The following CSMD1 variants were observed in gnomAD, a reference collection of about 807,000 sequenced individuals.
CSMD1 encodes CUB and Sushi multiple domains 1, also known as CUB and sushi domain-containing protein 1.
A neutral mutation model predicts 417.5 loss-of-function variants in CSMD1; 213 were observed. The observed-to-expected ratio is 0.51, with a 90% CI of 0.46 to 0.57. CSMD1 has a LOEUF of 0.57. CSMD1 is among the 20% of genes least tolerant of loss of function. The pLI is 0.00. For synonymous variants in CSMD1, 2,862 were observed against 1,736.8 expected (o/e 1.65, Z -16.11); for missense variants, 6,923 against 4,529.7 (o/e 1.53, Z -15.17).
intron 1 of CSMD1, among the ~76,000 whole-genome samples, chr8:4,823,905 A>G (rs1014079324): frequency 6.6e-6 from 1 of 152,002 alleles, no homozygotes; most frequent in Non-Finnish European, 1.5e-5. Flanking sequence ...TACTCTTAAC[A>G]AGAGAAGAAA....
At chr8:3,934,410 T>G (rs1252890527) in intron 5 of CSMD1, among the ~76,000 whole-genome samples, 2 of 152,312 alleles carry the variant, frequency 1.3e-5, no homozygotes, top group East Asian at 3.9e-4. Flanking sequence ...AAATCAGTAA[T>G]GAACACCGGT....
intron 1 of CSMD1, among the ~76,000 whole-genome samples, chr8:4,934,608 T>C (rs1807472709): frequency 6.6e-6 from 1 of 151,652 alleles, no homozygotes; most frequent in Non-Finnish European, 1.5e-5. Flanking sequence ...TGTCTACCTT[T>C]TTATTTTTCA....
At chr8:3,031,201 A>G (rs599269) in intron 50 of CSMD1, among the ~76,000 whole-genome samples, 6,409 of 151,682 alleles carry the variant, frequency 0.042, 464 homozygotes, top group African/African-American at 0.15. Flanking sequence ...TTCAAATAAA[A>G]TGCATTTAAT....
chr8:4,493,673 T>C (rs1351504310), intron 2 of CSMD1, among the ~76,000 whole-genome samples: 1 of 152,078 alleles, frequency 6.6e-6, no homozygotes, highest in Non-Finnish European at 1.5e-5. Flanking sequence ...CCAGATCGAG[T>C]GAGAGAGTGC....
At chr8:4,043,409 T>C (rs1035209946) in intron 3 of CSMD1, among the ~76,000 whole-genome samples, 2 of 152,072 alleles carry the variant, frequency 1.3e-5, no homozygotes, top group African/African-American at 4.8e-5. Flanking sequence ...GAAGCGTAAA[T>C]GACATGAACC....
intron 5 of CSMD1, among the ~76,000 whole-genome samples, chr8:3,964,938 G>T (rs2130016232): frequency 6.6e-6 from 1 of 152,178 alleles, no homozygotes; most frequent in Admixed American, 6.5e-5. Context: ...TCTTCATTTT[G>T]GGGGTTTATC....
intron 1 of CSMD1, among the ~76,000 whole-genome samples, chr8:4,877,883 C>A (rs1443841268): frequency 1.3e-5 from 2 of 152,124 alleles, no homozygotes; most frequent in Non-Finnish European, 2.9e-5. Flanking sequence ...AGTGTAGCAT[C>A]AAGGAACATC....
At chr8:3,641,016 CT>C (rs897898676) in intron 7 of CSMD1, among the ~76,000 whole-genome samples, 7 of 136,600 alleles carry the variant, frequency 5.1e-5, no homozygotes, top group African/African-American at 1.9e-4. Context: ...TTTTGTGTTC[CT>C]TTTTTCCTTT....
In CSMD1 at chr8:3,301,934, A is replaced by G. The variant is rs570756633; in HGVS notation, c.3950+5761T>C. On this transcript the variant is annotated intron_variant, in intron 25 of 69. Coordinates refer to ENST00000635120, the MANE Select transcript of CSMD1 (RefSeq NM_033225.6). ...TGACAGGGCTTTGTTTTCAGATTCT[A>G]TGCACTTTTTTTTCAGTGTCTCGTC... 5.4e-4 allele frequency among the ~76,000 whole-genome samples: 83 copies of G among 152,298 alleles called. 1 individual carries two copies. The highest frequency in any genetic ancestry group is 2.0e-3 in the African/African-American group (82 of 41,556).
intron 2 of CSMD1, among the ~76,000 whole-genome samples, chr8:4,439,546 A>C (rs918108706): frequency 6.6e-6 from 1 of 152,190 alleles, no homozygotes; most frequent in Non-Finnish European, 1.5e-5. Flanking sequence ...GTATATTTGA[A>C]GTATGAGTTT....
rs551071665 is a variant in CSMD1, at chr8:4,049,946, G to A, written c.416-17847C>T. On this transcript the variant is annotated intron_variant, in intron 3 of 69. Transcript: ENST00000635120. ...GGATACCACACTGCGTTTACGTGCC[G>A]TTCCTCTTTAGGTGTCTCCTGGCTG... Among the ~76,000 whole-genome samples the A allele has an allele frequency of 1.7e-4, 26 of 152,232 alleles. No homozygotes were observed. In the South Asian group the frequency reaches 4.1e-3, roughly 24 times the overall value.
Position 3,984,749 on chromosome 8 carries a change from A to G in CSMD1, c.818+13154T>C, listed in dbSNP as rs1316636069. On this transcript the variant is annotated intron_variant, in intron 5 of 69. Coordinates refer to ENST00000635120, the MANE Select transcript of CSMD1 (RefSeq NM_033225.6). ...TATATATATATATATATATATATAT[A>G]TATTTGTATGTATTTGTGCGTGTGT... Among the ~76,000 whole-genome samples, 207 of 67,340 alleles carry G rather than the reference A, an allele frequency of 3.1e-3. 2 individuals are homozygous for G. The highest frequency in any genetic ancestry group is 4.7e-3 in the South Asian group (11 of 2,324). The allele number at this position is 67,340 out of a possible 152,430, so 44.2% of individuals were successfully genotyped here. A position where few individuals can be genotyped will look rare whatever the true frequency, so the allele number is the denominator to read the frequency against.
chr8:4,914,111 T>C (rs549247024), intron 1 of CSMD1, among the ~76,000 whole-genome samples: 61 of 152,224 alleles, frequency 4.0e-4, no homozygotes, highest in African/African-American at 1.4e-3. Context: ...GATGATTGAT[T>C]TGTGTTGAGC....
chr8:3,388,411 G>A (rs1227277857), intron 17 of CSMD1, among the ~76,000 whole-genome samples: 1 of 152,114 alleles, frequency 6.6e-6, no homozygotes, highest in Non-Finnish European at 1.5e-5. Flanking sequence ...GAGAATAAGG[G>A]AAAAGAATAT....
chr8:3,455,420 G>GT (rs1816049569), intron 12 of CSMD1, among the ~76,000 whole-genome samples: 1 of 152,162 alleles, frequency 6.6e-6, no homozygotes, highest in Non-Finnish European at 1.5e-5. Flanking sequence ...TTTCTGCTCT[G>GT]TTTTTTCCCC....
intron 2 of CSMD1, among the ~76,000 whole-genome samples, chr8:4,596,768 A>G (rs1180989443): frequency 1.3e-5 from 2 of 152,216 alleles, no homozygotes; most frequent in African/African-American, 4.8e-5. Flanking sequence ...GATTGGCTGT[A>G]TCCCCACCAA....
chr8:3,760,682 C>T (rs939562213), intron 5 of CSMD1, among the ~76,000 whole-genome samples: 1 of 152,172 alleles, frequency 6.6e-6, no homozygotes, highest in East Asian at 1.9e-4. Context: ...TTTGGAAATG[C>T]TAATGGTTTT....
chr8:3,912,552 C>T (rs1430244726), intron 5 of CSMD1, among the ~76,000 whole-genome samples: 1 of 152,156 alleles, frequency 6.6e-6, no homozygotes, highest in Non-Finnish European at 1.5e-5. Context: ...CTTAGCTTCT[C>T]TGCCAAGGTG....
At chr8:4,186,832 C>CAG (rs1554486417) in intron 3 of CSMD1, among the ~76,000 whole-genome samples, 6 of 41,684 alleles carry the variant, frequency 1.4e-4, no homozygotes. Flanking sequence ...ACTAAAAATA[C>CAG]AGAAAAAAAA....
Sources: allele counts gnomAD v4.1 joint callset (sites outside exome capture counted in the v4.1 genomes callset), GRCh38; gene constraint gnomAD v4.1.1; transcripts MANE v1.5; gene names NCBI Gene and HGNC (gene_info 2026-07-23, HGNC 2026-07-21).